Variants in POLD3 observed in about 807,000 individuals in gnomAD.
POLD3 encodes DNA polymerase delta 3, accessory subunit, also known as DNA polymerase delta subunit 3.
POLD3 carries 19 observed loss-of-function variants against 58.2 expected under a neutral mutation model. The observed-to-expected ratio is 0.33, with a 90% confidence interval of 0.23 to 0.48. The LOEUF is 0.48. Among genes scored for constraint, POLD3 ranks in the 20% least tolerant of loss-of-function variants. The pLI is 0.99. For missense variants in POLD3, 504 were observed against 545.5 expected, an observed-to-expected ratio of 0.92 and a Z score of 0.76; for synonymous variants, 172 against 193.5, an observed-to-expected ratio of 0.89 and a Z score of 0.92.
At chr11:74,663,963 A>T (rs550708233) in intron 4 of POLD3, among the ~76,000 whole-genome samples, 37 of 152,330 alleles carry the variant, frequency 2.4e-4, no homozygotes, top group African/African-American at 6.7e-4. Flanking sequence ...TCTAATTTTT[A>T]AAAAATGGGC....
intron 7 of POLD3, among the ~76,000 whole-genome samples, chr11:74,621,394 C>G (rs1050696604): frequency 6.7e-6 from 1 of 150,314 alleles, no homozygotes; most frequent in East Asian, 1.9e-4. Context: ...CTGAAACCAC[C>G]GCCCCCGACC....
At chr11:74,602,993 C>T (rs2031554647) in intron 2 of POLD3, among the ~76,000 whole-genome samples, 1 of 152,214 alleles carries the variant, frequency 6.6e-6, no homozygotes. Flanking sequence ...CAAAACTTCT[C>T]AGGCACCCTC....
chr11:74,645,400 C>A (rs143858468), downstream of POLD3, among the ~76,000 whole-genome samples: 7 of 152,270 alleles, frequency 4.6e-5, no homozygotes, highest in African/African-American at 1.7e-4. Flanking sequence ...CTTCAAAAGG[C>A]AGTTTATACA....
intron 2 of POLD3, among the ~76,000 whole-genome samples, chr11:74,596,465 T>C (rs1212346653): frequency 6.6e-6 from 1 of 152,180 alleles, no homozygotes; most frequent in Admixed American, 6.5e-5. Flanking sequence ...GGATTACAGA[T>C]GTGAGCCATC....
chr11:74,658,028 A>G (rs926022186), intron 4 of POLD3, among the ~76,000 whole-genome samples: 1 of 152,150 alleles, frequency 6.6e-6, no homozygotes, highest in Non-Finnish European at 1.5e-5. Flanking sequence ...TTGGTGTTCT[A>G]TCATCTTGTA....
chr11:74,645,213 C>G (rs1051488296), downstream of POLD3, among the ~76,000 whole-genome samples: 1 of 152,174 alleles, frequency 6.6e-6, no homozygotes, highest in African/African-American at 2.4e-5. Context: ...AAGAAACAGG[C>G]TGAGGTAGGC....
Position 74,592,982 on chromosome 11 carries a change from C to T in POLD3, c.60+264C>T, listed in dbSNP as rs967818941. 3.7e-6 allele frequency: 5 copies of T among 1,346,800 alleles called. No homozygotes were observed. The African/African-American group carries it at 5.9e-5, about 16-fold the overall frequency. 83.4% of individuals were successfully genotyped at this position (1,346,800 alleles called of 1,614,324 possible). A position where few individuals can be genotyped will look rare whatever the true frequency, so the allele number is the denominator to read the frequency against. On this transcript the variant is annotated intron_variant, in intron 1 of 11. Coordinates refer to ENST00000263681, the MANE Select transcript of POLD3 (RefSeq NM_006591.3). ...GGGCTGGAGCCGCGGAGACCGGGCGCGGAGGGAGGGCCGTTGGCTGAGAGT... is the reference window on the plus strand; with the variant it reads ...GGGCTGGAGCCGCGGAGACCGGGCGTGGAGGGAGGGCCGTTGGCTGAGAGT...
intron 4 of POLD3, among the ~76,000 whole-genome samples, chr11:74,667,858 T>A (rs1255931943): frequency 6.6e-6 from 1 of 152,212 alleles, no homozygotes; most frequent in African/African-American, 2.4e-5. Context: ...AAAGAACATT[T>A]AAAACTCAAT....
intron 11 of POLD3, among the ~76,000 whole-genome samples, chr11:74,639,280 A>T (rs1291646040): frequency 6.6e-6 from 1 of 152,188 alleles, no homozygotes; most frequent in African/African-American, 2.4e-5. Flanking sequence ...AAAGTTTGAG[A>T]TGATATCTTA....
At chr11:74,596,887 G>C (rs988721096) in intron 2 of POLD3, among the ~76,000 whole-genome samples, 1 of 152,292 alleles carries the variant, frequency 6.6e-6, no homozygotes, top group Admixed American at 6.5e-5. Context: ...GCTTATTTCA[G>C]TTAACATAGT....
At chr11:74,633,914 C>T (rs2032669846) in intron 9 of POLD3, among the ~76,000 whole-genome samples, 1 of 152,192 alleles carries the variant, frequency 6.6e-6, no homozygotes, top group Non-Finnish European at 1.5e-5. Flanking sequence ...TGACTTCACC[C>T]ACCTCCAAGT....
At chr11:74,649,328 A>G (rs1253667269) in intron 4 of POLD3, among the ~76,000 whole-genome samples, 2 of 152,234 alleles carry the variant, frequency 1.3e-5, no homozygotes, top group African/African-American at 4.8e-5. Context: ...TTGATGAATT[A>G]GGAAATTCAA....
chr11:74,618,556 G>T lies in POLD3; in HGVS notation c.412G>T (p.Ala138Ser). Residue 138 changes from alanine (A) to serine (S), a missense_variant, in exon 6 of 12, where the codon GCA becomes TCA. Physicochemically the swap from Ala to Ser is moderately conservative, Grantham distance 99. Coordinates refer to ENST00000263681, the MANE Select transcript of POLD3 (RefSeq NM_006591.3). Reference sequence around the variant, plus strand: ...CCCCAGATTTAGTGCTATACAATGTGCAGCTGCCGTCCCTAGAGCTCCTGC... The same window carrying T: ...CCCCAGATTTAGTGCTATACAATGTTCAGCTGCCGTCCCTAGAGCTCCTGC... Reference protein sequence around the residue: ...NCSKFSAIQCAAAVPRAPAES... With the variant: ...NCSKFSAIQCSAAVPRAPAES... 1.9e-6 allele frequency: 3 copies of T among 1,612,982 alleles called. No homozygotes were observed. Among genetic ancestry groups the T allele is most frequent in the Non-Finnish European group, 2.5e-6 (3 of 1,179,168 alleles).
rs1036707537 is a variant in POLD3 at position 74,642,876 on chromosome 11, T to C, written c.*2110T>C. 1.5e-5 allele frequency: 15 copies of C among 985,182 alleles called. No homozygotes were observed. Among genetic ancestry groups the C allele is most frequent in the Non-Finnish European group, 1.8e-5 (15 of 829,688 alleles). The allele number at this position is 985,182 out of a possible 1,614,324, so 61.0% of individuals were successfully genotyped here. ...AGTCTGAGATGAACAAGTTATTTGC[T>C]GCCTTCATCGTTTTTTTCAGCACTG... On this transcript the variant is annotated 3_prime_UTR_variant, in exon 12 of 12. Coordinates refer to ENST00000263681, the MANE Select transcript of POLD3 (RefSeq NM_006591.3).
intron 5 of POLD3, among the ~76,000 whole-genome samples, chr11:74,618,008 T>A (rs1006892467): frequency 3.9e-5 from 6 of 152,220 alleles, no homozygotes; most frequent in Non-Finnish European, 7.3e-5. Context: ...CGTGAGCCAA[T>A]GCGCCCAACC....
chr11:74,638,494 TACC>T, intron 11 of POLD3: 2 of 389,178 alleles, frequency 5.1e-6, no homozygotes, highest in Non-Finnish European at 1.0e-5. Context: ...CAAAGTCTTA[TACC>T]ACCAACTAGT....
At chr11:74,597,546 A>ACTGGGAGAATCACTTT (rs1411447865) in intron 2 of POLD3, among the ~76,000 whole-genome samples, 7 of 152,210 alleles carry the variant, frequency 4.6e-5, no homozygotes, top group Non-Finnish European at 8.8e-5. Context: ...CTGCAACTTC[A>ACTGGGAGAATCACTTT]GCCTCCCAGG....
Position 74,668,779 on chromosome 11 carries a change from G to A in POLD3, c.373G>A (p.Val125Met), listed in dbSNP as rs372836089. The stretch of plus-strand genomic sequence containing the variant: ...TTTCTGTTGTGTTTTTTTTACAGTG[G>A]TGCTGGACATGCAGTCCCACTCACT... Residue 125 changes from valine (V) to methionine (M), a missense_variant and splice_region_variant, in exon 5 of 5, where the codon GTG (valine) becomes ATG (methionine). Val to Met is a conservative substitution (Grantham distance 21). Coordinates refer to the POLD3 transcript ENST00000524752. 1.9e-5 allele frequency: 25 copies of A among 1,288,570 alleles called. No homozygotes were observed. The African/African-American group carries it at 3.8e-4, about 20-fold the overall frequency. 79.8% of individuals were successfully genotyped at this position (1,288,570 alleles called of 1,614,324 possible). A position where few individuals can be genotyped will look rare whatever the true frequency, so the allele number is the denominator to read the frequency against.
intron 11 of POLD3, among the ~76,000 whole-genome samples, chr11:74,637,513 A>G (rs145838611): frequency 2.6e-4 from 35 of 135,828 alleles, no homozygotes; most frequent in Middle Eastern, 4.7e-3. Flanking sequence ...GGGTGATAAT[A>G]TATGTGTTTA....
Sources: allele counts gnomAD v4.1 joint callset (sites outside exome capture counted in the v4.1 genomes callset), GRCh38; gene constraint gnomAD v4.1.1; transcripts MANE v1.5; gene names NCBI Gene and HGNC (gene_info 2026-07-23, HGNC 2026-07-21).